MACROD2: variants seen among roughly 807,000 people sequenced by gnomAD.
The protein encoded by MACROD2 is ADP-ribose glycohydrolase MACROD2.
A neutral mutation model predicts 70.4 loss-of-function variants in MACROD2; 36 were observed. That is an observed-to-expected ratio of 0.51 (90% CI 0.39 to 0.68). The LOEUF (loss-of-function observed/expected upper bound fraction) is 0.68, where lower values mean the gene tolerates loss of function less well. Among genes scored for constraint, MACROD2 ranks in the 30% least tolerant of loss-of-function variants. MACROD2 has a pLI of 0.00. For synonymous variants in MACROD2, 172 were observed against 178.8 expected (o/e 0.96, Z 0.30); for missense variants, 496 against 538.4 (o/e 0.92, Z 0.78).
intron 5 of MACROD2, among the ~76,000 whole-genome samples, chr20:14,965,449 TTTTC>T (rs1178879787): frequency 6.8e-6 from 1 of 146,588 alleles, no homozygotes; most frequent in African/African-American, 2.5e-5. Context: ...AGTTATTTTT[TTTTC>T]TTTTTTTTTT....
chr20:14,616,738 A>C (rs1237600139), intron 4 of MACROD2, among the ~76,000 whole-genome samples: 1 of 152,222 alleles, frequency 6.6e-6, no homozygotes, highest in Non-Finnish European at 1.5e-5. Flanking sequence ...CAAAAATGAG[A>C]TGGATGAACT....
chr20:14,096,350 A>G (rs943256625), intron 3 of MACROD2, among the ~76,000 whole-genome samples: 3 of 150,494 alleles, frequency 2.0e-5, no homozygotes, highest in African/African-American at 7.4e-5. Flanking sequence ...GGACCTAGAT[A>G]TAAGTTATTT....
At chr20:15,505,242 A>G (rs1337979270) in intron 8 of MACROD2, among the ~76,000 whole-genome samples, 1 of 152,212 alleles carries the variant, frequency 6.6e-6, no homozygotes, top group Non-Finnish European at 1.5e-5. Context: ...CAAGCATCCT[A>G]CAGCACATAG....
intron 3 of MACROD2, among the ~76,000 whole-genome samples, chr20:14,141,524 TC>T (rs1300673262): frequency 6.6e-6 from 1 of 152,044 alleles, no homozygotes; most frequent in Non-Finnish European, 1.5e-5. Context: ...GGTGGGTGGA[TC>T]ATCTGAGGTT....
At position 15,095,797 on chromosome 20, in the gene MACROD2, G is replaced by T. The variant is rs572091321; in HGVS notation, c.419-134143G>T. Among the ~76,000 whole-genome samples the T allele has an allele frequency of 2.0e-5, 3 of 152,254 alleles. No homozygotes were observed. The East Asian group carries it at 5.8e-4, about 29-fold the overall frequency. On this transcript the variant is annotated intron_variant, in intron 5 of 17. Coordinates refer to ENST00000684519, the MANE Select transcript of MACROD2 (RefSeq NM_001351661.2). ...CTCCCGAAGTGCTGGGATTACAGGCGTGAGCCACCGTGCCCAGCCAGAAAG... is the reference window on the plus strand; with the variant it reads ...CTCCCGAAGTGCTGGGATTACAGGCTTGAGCCACCGTGCCCAGCCAGAAAG...
intron 8 of MACROD2, among the ~76,000 whole-genome samples, chr20:15,734,500 A>G (rs936831951): frequency 6.6e-6 from 1 of 152,172 alleles, no homozygotes; most frequent in Non-Finnish European, 1.5e-5. Context: ...AGAAGATTTC[A>G]TGTGATAATA....
At chr20:15,386,862 A>T (rs1406605241) in intron 6 of MACROD2, among the ~76,000 whole-genome samples, 1 of 152,168 alleles carries the variant, frequency 6.6e-6, no homozygotes, top group African/African-American at 2.4e-5. Context: ...ATCCCTTGTA[A>T]TATCTGTTCT....
intron 6 of MACROD2, among the ~76,000 whole-genome samples, chr20:15,323,858 C>T (rs1006867841): frequency 2.0e-5 from 3 of 152,160 alleles, no homozygotes; most frequent in Admixed American, 2.0e-4. Flanking sequence ...CCCCAGGCTA[C>T]ACTTGAACAG....
chr20:14,907,159 A>G (rs1381869728), intron 5 of MACROD2, among the ~76,000 whole-genome samples: 1 of 152,206 alleles, frequency 6.6e-6, no homozygotes, highest in African/African-American at 2.4e-5. Flanking sequence ...CATGGCAATA[A>G]CCTGACAACC....
chr20:14,166,927 A>T (rs1023355866), intron 3 of MACROD2, among the ~76,000 whole-genome samples: 6 of 152,140 alleles, frequency 3.9e-5, no homozygotes, highest in Non-Finnish European at 7.4e-5. Context: ...ATAACTTCCC[A>T]TGCCTTATAT....
At chr20:15,793,450 T>C (rs529836100) in intron 8 of MACROD2, among the ~76,000 whole-genome samples, 82 of 152,308 alleles carry the variant, frequency 5.4e-4, no homozygotes, top group African/African-American at 1.9e-3. Flanking sequence ...TTAGAAATAG[T>C]ATATGTATTT....
chr20:15,411,149 T>TACACACACACACACACACACAC (rs55750139), intron 6 of MACROD2, among the ~76,000 whole-genome samples: 1 of 144,184 alleles, frequency 6.9e-6, no homozygotes. Context: ...GATATGTATT[T>TACACACACACACACACACACAC]ACACACACAC....
intron 7 of MACROD2, among the ~76,000 whole-genome samples, chr20:15,433,047 C>T (rs1215592887): frequency 6.6e-6 from 1 of 151,896 alleles, no homozygotes; most frequent in African/African-American, 2.4e-5. Flanking sequence ...ATAGAAGGGA[C>T]TTACATTAAA....
chr20:14,199,039 C>A (rs6110195), intron 3 of MACROD2, among the ~76,000 whole-genome samples: 2,766 of 151,990 alleles, frequency 0.018, 68 homozygotes, highest in African/African-American at 0.064. Context: ...TTTCTTCCTT[C>A]CTTTCCCCCT....
At chr20:14,047,971 C>T (rs1320707796) in intron 2 of MACROD2, among the ~76,000 whole-genome samples, 3 of 149,216 alleles carry the variant, frequency 2.0e-5, no homozygotes, top group East Asian at 2.0e-4. Flanking sequence ...AAACAGCAGG[C>T]GTACCCCTAA....
At position 15,457,055 on chromosome 20, in the gene MACROD2, C is replaced by CT. The variant is rs67567968; in HGVS notation, c.571+25640dup. Among the ~76,000 whole-genome samples, 135 of 132,180 alleles carry CT rather than the reference C, an allele frequency of 1.0e-3. 1 individual carries two copies. The highest frequency in any genetic ancestry group is 6.4e-3 in the South Asian group (27 of 4,220). The allele number at this position is 132,180 out of a possible 152,430, so 86.7% of individuals were successfully genotyped here. On this transcript the variant is annotated intron_variant, in intron 7 of 17. Coordinates refer to ENST00000684519, the MANE Select transcript of MACROD2 (RefSeq NM_001351661.2). ...GCTATTCATTTTTCTTTCCTTTCTT[C>CT]TTTTTTTTTTTTTTTTTTTTAAAAA...
chr20:16,038,431 G>T (rs2067263012), intron 15 of MACROD2, among the ~76,000 whole-genome samples: 1 of 151,404 alleles, frequency 6.6e-6, no homozygotes, highest in Non-Finnish European at 1.5e-5. Context: ...TTTAGGCTTC[G>T]TATCTTTTTC....
chr20:15,548,499 G>A (rs77441139), intron 8 of MACROD2, among the ~76,000 whole-genome samples: 2,599 of 152,154 alleles, frequency 0.017, 70 homozygotes, highest in African/African-American at 0.059. Flanking sequence ...GGGTTCAAGC[G>A]ATTCTTCTGC....
At position 15,699,593 on chromosome 20, in the gene MACROD2, C is replaced by T. The variant is rs140886857; in HGVS notation, c.646-163152C>T. 2.2e-4 allele frequency among the ~76,000 whole-genome samples: 33 copies of T among 152,232 alleles called. No individual in the cohort carries two copies. The East Asian group carries it at 6.2e-3, about 29-fold the overall frequency. ...CGCTTTCCAGAAAGCATCAGAGCCG[C>T]CGCTGTGTCCCCTGCCACAGCCCCG... On this transcript the variant is annotated intron_variant, in intron 8 of 17. Coordinates refer to ENST00000684519, the MANE Select transcript of MACROD2 (RefSeq NM_001351661.2).
Sources: allele counts gnomAD v4.1 joint callset (sites outside exome capture counted in the v4.1 genomes callset), GRCh38; gene constraint gnomAD v4.1.1; transcripts MANE v1.5; gene names NCBI Gene and HGNC (gene_info 2026-07-23, HGNC 2026-07-21).